DOK6: variants seen among roughly 807,000 people sequenced by gnomAD.
The protein encoded by DOK6 is docking protein 6.
Under a neutral mutation model 44.0 loss-of-function variants are expected in DOK6, and 22 were observed. That is an observed-to-expected ratio of 0.50 (90% CI 0.36 to 0.71). The LOEUF is 0.71. DOK6 is among the 30% of genes least tolerant of loss of function. The probability of loss-of-function intolerance (pLI) is 0.00; values close to 1 mark genes in which losing one functional copy is unlikely to be tolerated. For missense variants in DOK6, 340 were observed against 416.4 expected (o/e 0.82, Z 1.60); for synonymous variants, 166 against 145.5 (o/e 1.14, Z -1.01).
intron 1 of DOK6, among the ~76,000 whole-genome samples, chr18:69,534,547 G>T (rs1982068749): frequency 1.3e-5 from 2 of 151,292 alleles, no homozygotes; most frequent in Admixed American, 1.3e-4. Context: ...CATGGGAACT[G>T]ATTCTTTGTA....
At chr18:69,746,531 C>T (rs1388827402) in intron 6 of DOK6, among the ~76,000 whole-genome samples, 2 of 152,188 alleles carry the variant, frequency 1.3e-5, no homozygotes, top group African/African-American at 4.8e-5. Context: ...GCTAGGATTA[C>T]AGGCATGAGC....
chr18:69,504,507 A>G (rs1981130562), intron 1 of DOK6, among the ~76,000 whole-genome samples: 3 of 152,166 alleles, frequency 2.0e-5, no homozygotes, highest in Admixed American at 2.0e-4. Context: ...AATGTGTGCC[A>G]TTATATAGCT....
At chr18:69,790,353 G>A (rs901430001) in intron 7 of DOK6, among the ~76,000 whole-genome samples, 6 of 152,098 alleles carry the variant, frequency 3.9e-5, no homozygotes, top group Non-Finnish European at 8.8e-5. Context: ...GTTGGGTGCA[G>A]CAAACCACCA....
At chr18:69,661,482 A>T (rs561961213) in intron 3 of DOK6, 1 of 152,348 alleles carries the variant, frequency 6.6e-6, no homozygotes, top group Non-Finnish European at 1.5e-5. Context: ...AGAAGAGACT[A>T]TGGGCATCTC....
At chr18:69,720,072 C>A (rs1381949468) in intron 5 of DOK6, among the ~76,000 whole-genome samples, 1 of 152,112 alleles carries the variant, frequency 6.6e-6, no homozygotes, top group Non-Finnish European at 1.5e-5. Context: ...CCTTGTAGTC[C>A]CAGCCACTCA....
At chr18:69,690,557 G>T (rs1329791474) in intron 4 of DOK6, among the ~76,000 whole-genome samples, 1 of 152,126 alleles carries the variant, frequency 6.6e-6, no homozygotes, top group Non-Finnish European at 1.5e-5. Flanking sequence ...TTGGAGATAA[G>T]ATTATAAAGA....
At chr18:69,738,820 G>T in intron 5 of DOK6, 145 bp from the exon 6 acceptor site, 13 of 937,198 alleles carry the variant, frequency 1.4e-5, no homozygotes, top group Middle Eastern at 2.3e-4. Flanking sequence ...TTTTTGGTTG[G>T]TTTGGTTACG....
At chr18:69,562,996 G>A (rs1207921533) in intron 1 of DOK6, among the ~76,000 whole-genome samples, 1 of 152,176 alleles carries the variant, frequency 6.6e-6, no homozygotes, top group Non-Finnish European at 1.5e-5. Flanking sequence ...CGAAGGATAT[G>A]AACAGACACT....
chr18:69,772,665 A>T (rs577960260), intron 7 of DOK6, among the ~76,000 whole-genome samples: 2 of 151,974 alleles, frequency 1.3e-5, no homozygotes, highest in African/African-American at 4.8e-5. Flanking sequence ...AAAGAATGAA[A>T]TTGGACCCCT....
chr18:69,830,883 T>G (rs1303518517), intron 7 of DOK6, among the ~76,000 whole-genome samples: 1 of 152,210 alleles, frequency 6.6e-6, no homozygotes, highest in East Asian at 1.9e-4. Flanking sequence ...GTCTGACTTC[T>G]TCTGCACTAT....
chr18:69,764,446 G>A (rs552673589), intron 7 of DOK6, among the ~76,000 whole-genome samples: 2 of 152,242 alleles, frequency 1.3e-5, no homozygotes, highest in African/African-American at 2.4e-5. Flanking sequence ...AGGTAACGGG[G>A]GCAGTTCCTC....
chr18:69,525,421 G>A (rs1320199662), intron 1 of DOK6, among the ~76,000 whole-genome samples: 1 of 151,906 alleles, frequency 6.6e-6, no homozygotes, highest in Non-Finnish European at 1.5e-5. Flanking sequence ...TACATTGAAG[G>A]TTTGAGAAAT....
At chr18:69,511,879 A>G (rs1981375190) in intron 1 of DOK6, among the ~76,000 whole-genome samples, 2 of 152,222 alleles carry the variant, frequency 1.3e-5, no homozygotes, top group African/African-American at 4.8e-5. Flanking sequence ...CTAAAACCAC[A>G]TAAAATAACA....
At chr18:69,795,763 T>A (rs570019348) in intron 7 of DOK6, among the ~76,000 whole-genome samples, 95 of 152,340 alleles carry the variant, frequency 6.2e-4, no homozygotes, top group Non-Finnish European at 1.1e-3. Flanking sequence ...AAATGGAATG[T>A]CTTGCAGCAC....
rs1318112576 is a variant in DOK6 at position 69,845,024 on chromosome 18, T to C, written c.*3641T>C. ...TTTATTGCATGTCGTATCTTTATTG[T>C]AGATATTAAAAACACATGATAAAAA... On this transcript the variant is annotated 3_prime_UTR_variant, in exon 8 of 8. Coordinates refer to ENST00000382713, the MANE Select transcript of DOK6 (RefSeq NM_152721.6). 6.6e-6 allele frequency: 1 copy of C among 152,200 alleles called. No homozygotes were observed. The highest frequency in any genetic ancestry group is 1.5e-5 in the Non-Finnish European group (1 of 68,024). 9.4% of individuals were successfully genotyped at this position (152,200 alleles called of 1,614,324 possible).
chr18:69,755,169 C>T lies in DOK6; in HGVS notation c.739-2587C>T, dbSNP rs951045782. Among the ~76,000 whole-genome samples, 8 of 152,050 alleles carry T rather than the reference C, an allele frequency of 5.3e-5. No homozygotes were observed. The East Asian group carries it at 5.8e-4, about 11-fold the overall frequency. ...GAGGGAAGAGTAGAGAAACATGAGG[C>T]GTAAAACAATACAGGGTGATTCAGA... On this transcript the variant is annotated intron_variant, in intron 6 of 7. Coordinates refer to ENST00000382713, the MANE Select transcript of DOK6 (RefSeq NM_152721.6).
intron 7 of DOK6, among the ~76,000 whole-genome samples, chr18:69,784,255 T>C (rs1980365476): frequency 6.6e-6 from 1 of 152,158 alleles, no homozygotes; most frequent in South Asian, 2.1e-4. Flanking sequence ...GATTACAAGT[T>C]AATTTTTGAT....
chr18:69,587,984 T>C (rs896877273), intron 2 of DOK6, among the ~76,000 whole-genome samples: 2 of 152,214 alleles, frequency 1.3e-5, no homozygotes, highest in Admixed American at 6.5e-5. Flanking sequence ...GAGTCTCTTT[T>C]ATAGTTGAAT....
intron 1 of DOK6, among the ~76,000 whole-genome samples, chr18:69,489,409 C>T (rs945990550): frequency 3.9e-5 from 6 of 152,096 alleles, no homozygotes; most frequent in African/African-American, 1.4e-4. Context: ...AGGGTAAGCC[C>T]GTTTCCATAG....
Sources: allele counts gnomAD v4.1 joint callset (sites outside exome capture counted in the v4.1 genomes callset), GRCh38; gene constraint gnomAD v4.1.1; transcripts MANE v1.5; gene names NCBI Gene and HGNC (gene_info 2026-07-23, HGNC 2026-07-21).